The following ANKH variants were observed in gnomAD, a reference collection of about 807,000 sequenced individuals.
ANKH encodes the protein ANKH inorganic pyrophosphate transport regulator.
Under a neutral mutation model 49.0 loss-of-function variants are expected in ANKH, and 15 were observed. That is an observed-to-expected ratio of 0.31 (90% CI 0.20 to 0.47). ANKH has a LOEUF of 0.47. Ranked by LOEUF, ANKH falls within the 20% of genes least tolerant of loss-of-function variation. The pLI, the probability that ANKH is intolerant of heterozygous loss-of-function variation, is 1.00. For missense variants in ANKH, 429 were observed against 652.0 expected (o/e 0.66, Z 3.72); for synonymous variants, 273 against 260.0 (o/e 1.05, Z -0.48).
intron 1 of ANKH, among the ~76,000 whole-genome samples, chr5:14,796,811 G>C (rs565416036): frequency 6.6e-6 from 1 of 152,166 alleles, no homozygotes; most frequent in Non-Finnish European, 1.5e-5. Flanking sequence ...ACTTAAATGA[G>C]TCCAAAAAAC....
intron 1 of ANKH, among the ~76,000 whole-genome samples, chr5:14,807,500 T>C (rs969588831): frequency 9.9e-5 from 15 of 152,172 alleles, no homozygotes; most frequent in Admixed American, 9.2e-4. Flanking sequence ...GAGCATGTCT[T>C]CCTAGGTACC....
chr5:14,711,159 G>A lies in ANKH; in HGVS notation c.*38C>T, dbSNP rs777317644. 48 of 1,512,336 alleles carry A rather than the reference G, an allele frequency of 3.2e-5. No homozygotes were observed. The East Asian group carries it at 9.9e-4, about 31-fold the overall frequency. The allele number at this position is 1,512,336 out of a possible 1,614,324, so 93.7% of individuals were successfully genotyped here. Reference sequence around the variant, plus strand: ...AGAGATGATGCCGAAGTGTCATCCTGACTGACTGTCCCTGCAGTGCCCATG... The same window carrying A: ...AGAGATGATGCCGAAGTGTCATCCTAACTGACTGTCCCTGCAGTGCCCATG... On this transcript the variant is annotated 3_prime_UTR_variant, in exon 12 of 12. Transcript: ENST00000284268.
chr5:14,802,998 C>T (rs1251502526), intron 1 of ANKH, among the ~76,000 whole-genome samples: 5 of 152,204 alleles, frequency 3.3e-5, no homozygotes, highest in Admixed American at 2.6e-4. Flanking sequence ...AGAGTGATGT[C>T]TGATAAATAC....
chr5:14,815,741 G>T (rs1007644609), intron 1 of ANKH, among the ~76,000 whole-genome samples: 1 of 152,226 alleles, frequency 6.6e-6, no homozygotes, highest in African/African-American at 2.4e-5. Flanking sequence ...AAAGACAGGG[G>T]CCATGAGCCA....
chr5:14,857,783 C>T (rs1735324609), intron 1 of ANKH, among the ~76,000 whole-genome samples: 1 of 152,142 alleles, frequency 6.6e-6, no homozygotes, highest in South Asian at 2.1e-4. Context: ...TTCTCAAAGT[C>T]ACAGGGCAAT....
intron 1 of ANKH, among the ~76,000 whole-genome samples, chr5:14,806,970 T>C (rs1298993098): frequency 6.6e-6 from 1 of 152,340 alleles, no homozygotes; most frequent in East Asian, 1.9e-4. Flanking sequence ...ATTTTTAAAC[T>C]CATTTTTAAA....
intron 1 of ANKH, among the ~76,000 whole-genome samples, chr5:14,793,057 T>TA (rs1257486958): frequency 4.4e-4 from 24 of 54,668 alleles, no homozygotes; most frequent in Non-Finnish European, 6.6e-4. Flanking sequence ...TAAATATATA[T>TA]AAAATATATA....
chr5:14,734,571 C>T (rs1438073255), intron 8 of ANKH, among the ~76,000 whole-genome samples: 1 of 152,232 alleles, frequency 6.6e-6, no homozygotes, highest in Non-Finnish European at 1.5e-5. Context: ...CCGGGCTGGG[C>T]ACCTGCCTCT....
rs1736966202 is a variant in ANKH, at chr5:14,706,995, C to G, written c.*4202G>C. The G allele has an allele frequency of 6.6e-6, 1 of 152,176 alleles. No homozygotes were observed. Among genetic ancestry groups the G allele is most frequent in the South Asian group, 2.1e-4 (1 of 4,826 alleles). 9.4% of individuals were successfully genotyped at this position (152,176 alleles called of 1,614,324 possible). On this transcript the variant is annotated 3_prime_UTR_variant, in exon 12 of 12. Transcript: ENST00000284268. ...GTCTTTCAAAGCTCTTCCTCACACT[C>G]CACTGCAATTTTGGTTCCAAAGAAA...
chr5:14,757,075 T>C (rs1333756158), intron 3 of ANKH, among the ~76,000 whole-genome samples: 2 of 152,186 alleles, frequency 1.3e-5, no homozygotes, highest in Admixed American at 1.3e-4. Flanking sequence ...ATAACTGTAA[T>C]TCTTCTATGT....
intron 1 of ANKH, among the ~76,000 whole-genome samples, chr5:14,867,852 T>C (rs1735696903): frequency 6.6e-6 from 1 of 152,232 alleles, no homozygotes; most frequent in African/African-American, 2.4e-5. Context: ...TGCCTATGTT[T>C]AATATTAAAA....
chr5:14,727,988 G>T lies in ANKH; in HGVS notation c.1012-11153C>A, dbSNP rs1034650764. 5.3e-5 allele frequency among the ~76,000 whole-genome samples: 8 copies of T among 152,314 alleles called. No homozygotes were observed. In the East Asian group the frequency reaches 1.5e-3, roughly 29 times the overall value. ...CTGGTGTCTTATTATGAGGGCTTAGGTAGAGTTTTAGGGACTAGCCTTTAT... is the reference window on the plus strand; with the variant it reads ...CTGGTGTCTTATTATGAGGGCTTAGTTAGAGTTTTAGGGACTAGCCTTTAT... On this transcript the variant is annotated intron_variant, in intron 8 of 11. Transcript: ENST00000284268.
At position 14,713,291 on chromosome 5, in the gene ANKH, G is replaced by A. The variant is rs1429762079; in HGVS notation, c.1265+253C>T. ...TCATGTCCAGCATACGTTCAAGCCC[G>A]TGCAGGGCCGGCCATGCCCTGACAG... On this transcript the variant is annotated intron_variant, in intron 10 of 11. Transcript: ENST00000284268. This position sits in a 1 kb window ranked among gnomAD's most constrained non-coding sequence, Gnocchi z 4.4. Among the ~76,000 whole-genome samples the A allele has an allele frequency of 6.6e-6, 1 of 152,120 alleles. No individual in the cohort carries two copies. Among genetic ancestry groups the A allele is most frequent in the Non-Finnish European group, 1.5e-5 (1 of 68,036 alleles).
intron 1 of ANKH, among the ~76,000 whole-genome samples, chr5:14,789,289 T>C (rs1232504838): frequency 6.6e-6 from 1 of 152,160 alleles, no homozygotes; most frequent in East Asian, 1.9e-4. Flanking sequence ...TTTAAGAACG[T>C]AAGAATGGTT....
At chr5:14,836,776 T>G (rs958515420) in intron 1 of ANKH, among the ~76,000 whole-genome samples, 6 of 152,088 alleles carry the variant, frequency 3.9e-5, no homozygotes, top group Non-Finnish European at 7.4e-5. Flanking sequence ...TACTTTAAAG[T>G]TCATATGGAA....
intron 2 of ANKH, 117 bp from the exon 3 acceptor site, chr5:14,758,715 T>G: frequency 1.2e-6 from 1 of 840,182 alleles, no homozygotes; most frequent in East Asian, 2.5e-5. Context: ...CATAGAAAAA[T>G]TAGATAAGCA....
intron 8 of ANKH, among the ~76,000 whole-genome samples, chr5:14,728,575 C>A (rs995403353): frequency 6.6e-5 from 10 of 152,180 alleles, no homozygotes; most frequent in Non-Finnish European, 1.3e-4. Flanking sequence ...TCAAACAGGC[C>A]GTCTTTGTTC....
intron 1 of ANKH, among the ~76,000 whole-genome samples, chr5:14,844,798 C>G (rs1358839078): frequency 6.6e-6 from 1 of 152,140 alleles, no homozygotes; most frequent in Non-Finnish European, 1.5e-5. Flanking sequence ...AGAGTTATTT[C>G]TGCCTTTCCT....
intron 8 of ANKH, among the ~76,000 whole-genome samples, chr5:14,740,372 G>A (rs1382693039): frequency 6.6e-6 from 1 of 152,156 alleles, no homozygotes; most frequent in Non-Finnish European, 1.5e-5. Flanking sequence ...ATGTTTTAGG[G>A]AACTATGGAA....
Sources: allele counts gnomAD v4.1 joint callset (sites outside exome capture counted in the v4.1 genomes callset), GRCh38; gene constraint gnomAD v4.1.1; non-coding constraint Gnocchi (gnomAD v3.1); transcripts MANE v1.5; gene names NCBI Gene and HGNC (gene_info 2026-07-23, HGNC 2026-07-21).